The following KIF16B variants were observed in gnomAD, a reference collection of about 807,000 sequenced individuals.
KIF16B encodes the protein kinesin-like protein KIF16B.
KIF16B carries 98 observed loss-of-function variants against 156.3 expected under a neutral mutation model. The observed-to-expected ratio is 0.63, with a 90% CI of 0.53 to 0.74. The LOEUF (loss-of-function observed/expected upper bound fraction) is 0.74, where lower values mean the gene tolerates loss of function less well. Among genes scored for constraint, KIF16B ranks in the 30% least tolerant of loss-of-function variants. The pLI is 0.00. For missense variants in KIF16B, 1,421 were observed against 1,606.5 expected, an observed-to-expected ratio of 0.88 and a Z score of 1.97; for synonymous variants, 564 against 583.7, an observed-to-expected ratio of 0.97 and a Z score of 0.49.
intron 12 of KIF16B, among the ~76,000 whole-genome samples, chr20:16,437,653 T>C (rs1284666047): frequency 6.6e-6 from 1 of 152,178 alleles, no homozygotes; most frequent in Admixed American, 6.5e-5. Context: ...ATTGGAGAAC[T>C]GCAAGAAAAT....
rs530802450 is a variant in KIF16B at position 16,301,505 on chromosome 20, G to T, written c.3795+10830C>A. Among the ~76,000 whole-genome samples, 22 of 152,308 alleles carry T rather than the reference G, an allele frequency of 1.4e-4. No individual in the cohort carries two copies. The South Asian group carries it at 4.3e-3, about 30-fold the overall frequency. ...CTCACCAGCATTTGGTGCTGTTTATGTTCCAGCTTTTGGCCATTCTATCAG... is the reference window on the plus strand; with the variant it reads ...CTCACCAGCATTTGGTGCTGTTTATTTTCCAGCTTTTGGCCATTCTATCAG... On this transcript the variant is annotated intron_variant, in intron 25 of 25. Coordinates refer to ENST00000354981, the MANE Select transcript of KIF16B (RefSeq NM_024704.5).
chr20:16,355,736 G>A (rs2064427292), intron 23 of KIF16B, among the ~76,000 whole-genome samples: 1 of 152,152 alleles, frequency 6.6e-6, no homozygotes, highest in Non-Finnish European at 1.5e-5. Context: ...AAGGAAACAG[G>A]CACATCTCTT....
At chr20:16,444,303 C>T (rs2066876458) in intron 12 of KIF16B, among the ~76,000 whole-genome samples, 1 of 151,752 alleles carries the variant, frequency 6.6e-6, no homozygotes, top group South Asian at 2.1e-4. Context: ...GGCTGAAGGC[C>T]AAATAAGGCT....
At chr20:16,406,805 A>C (rs2065798316) in intron 15 of KIF16B, among the ~76,000 whole-genome samples, 1 of 152,224 alleles carries the variant, frequency 6.6e-6, no homozygotes, top group Non-Finnish European at 1.5e-5. Flanking sequence ...CCAAAGAGAT[A>C]TAATATCAAG....
chr20:16,513,370 C>T (rs1049549524), intron 4 of KIF16B, among the ~76,000 whole-genome samples: 2 of 152,050 alleles, frequency 1.3e-5, no homozygotes, highest in Non-Finnish European at 2.9e-5. Flanking sequence ...ACATTAAAAT[C>T]CATGCTGGCC....
intron 24 of KIF16B, among the ~76,000 whole-genome samples, chr20:16,325,401 C>G (rs559235872): frequency 1.2e-3 from 184 of 151,812 alleles, no homozygotes; most frequent in Non-Finnish European, 2.4e-3. Flanking sequence ...GCCTAGAAAA[C>G]CCTGAAGACT....
rs780677487 is a variant in KIF16B at position 16,378,892 on chromosome 20, G to A, written c.3110C>T (p.Ala1037Val). 1.2e-5 allele frequency: 20 copies of A among 1,614,000 alleles called. No individual in the cohort carries two copies. Among genetic ancestry groups the A allele is most frequent in the Non-Finnish European group, 1.6e-5 (19 of 1,179,940 alleles). ...MEIEEQRQKL[A>V]SLNSGSREQS... ...CTCTCTGCTGCCACTGTTCAGACTGGCAAGTTTCTGCCTCTGCTCTTCAAT... is the reference window on the plus strand; with the variant it reads ...CTCTCTGCTGCCACTGTTCAGACTGACAAGTTTCTGCCTCTGCTCTTCAAT... The change falls in exon 19 of 26, where the codon GCC (alanine) becomes GTC (valine). Residue 1037 changes from alanine (A) to valine (V), a missense_variant. Physicochemically the swap from Ala to Val is moderately conservative, Grantham distance 64 (BLOSUM62 0). Transcript: ENST00000354981.
Position 16,379,803 on chromosome 20 carries a change from G to A in KIF16B, c.2199C>T (p.Leu733=). The change falls in exon 19 of 26, where the codon CTC becomes CTT. Residue 733 remains leucine, a synonymous_variant. Coordinates refer to ENST00000354981, the MANE Select transcript of KIF16B (RefSeq NM_024704.5). ...KFQIFQELDQ[L]QKEKDEQYAK... is the part of the protein sequence containing the mutation. ...CATACTGTTCATCTTTTTCCTTTTG[G>A]AGCTGGTCCAGTTCTTGAAATATCT... 1 of 1,613,946 alleles carries A rather than the reference G, an allele frequency of 6.2e-7. No individual in the cohort carries two copies. Among genetic ancestry groups the A allele is most frequent in the Non-Finnish European group, 8.5e-7 (1 of 1,179,988 alleles).
chr20:16,341,564 T>C (rs893267686), intron 23 of KIF16B, among the ~76,000 whole-genome samples: 1 of 152,238 alleles, frequency 6.6e-6, no homozygotes, highest in Admixed American at 6.5e-5. Flanking sequence ...CCTTACTTGA[T>C]ATTTTAATAA....
chr20:16,287,153 G>A lies in KIF16B; in HGVS notation c.3796-13742C>T, dbSNP rs556836183. 3.0e-3 allele frequency among the ~76,000 whole-genome samples: 461 copies of A among 152,230 alleles called. 3 individuals carry two copies. Among genetic ancestry groups the A allele is most frequent in the Admixed American group, 9.3e-3 (142 of 15,300 alleles). Reference sequence around the variant, plus strand: ...CCAAAATATATGGGTTTGGGAATAAGGTAAAATATGAGGGAATAAATGAAA... The same window carrying A: ...CCAAAATATATGGGTTTGGGAATAAAGTAAAATATGAGGGAATAAATGAAA... On this transcript the variant is annotated intron_variant, in intron 25 of 25. Coordinates refer to ENST00000354981, the MANE Select transcript of KIF16B (RefSeq NM_024704.5).
chr20:16,367,820 G>C, intron 22 of KIF16B: 5 of 1,611,254 alleles, frequency 3.1e-6, no homozygotes, highest in Non-Finnish European at 4.2e-6. Context: ...AGGAGGTCAC[G>C]ACACAGCTGT....
intron 1 of KIF16B, among the ~76,000 whole-genome samples, chr20:16,541,783 C>T (rs999131288): frequency 2.0e-4 from 31 of 152,214 alleles, no homozygotes; most frequent in Admixed American, 1.3e-3. Flanking sequence ...AGCTGCAGCA[C>T]CGACCCATGG....
At chr20:16,295,949 A>G (rs545661127) in intron 25 of KIF16B, among the ~76,000 whole-genome samples, 4 of 152,306 alleles carry the variant, frequency 2.6e-5, no homozygotes, top group East Asian at 1.9e-4. Flanking sequence ...CACCAGTCAG[A>G]GCATCTTGAG....
At chr20:16,274,165 T>G (rs1185280650) in intron 25 of KIF16B, among the ~76,000 whole-genome samples, 1 of 152,048 alleles carries the variant, frequency 6.6e-6, no homozygotes, top group Non-Finnish European at 1.5e-5. Flanking sequence ...AGTCAGTATC[T>G]GTTTTGAATC....
chr20:16,438,673 C>A (rs1301807444), intron 12 of KIF16B, among the ~76,000 whole-genome samples: 3 of 152,094 alleles, frequency 2.0e-5, no homozygotes, highest in African/African-American at 4.8e-5. Flanking sequence ...CTGCCTCAAC[C>A]ACCATCCTGC....
Position 16,379,345 on chromosome 20 carries a change from G to A in KIF16B, c.2657C>T (p.Thr886Met), listed in dbSNP as rs972012083. ...EKHDESVTDV[T>M]EVPQDFEKIK... is the part of the protein sequence containing the mutation. Reference sequence around the variant, plus strand: ...TTTCTCGAAATCTTGAGGCACTTCCGTGACATCTGTGACACTCTCATCATG... The same window carrying A: ...TTTCTCGAAATCTTGAGGCACTTCCATGACATCTGTGACACTCTCATCATG... The change falls in exon 19 of 26, where the codon ACG becomes ATG. Residue 886 changes from threonine (T) to methionine (M), a missense_variant. Thr to Met is a moderately conservative substitution (Grantham distance 81, BLOSUM62 -1). Transcript: ENST00000354981. The A allele has an allele frequency of 1.0e-5, 16 of 1,603,556 alleles. No homozygotes were observed. The highest frequency in any genetic ancestry group is 1.7e-5 in the Admixed American group (1 of 58,560).
At chr20:16,382,075 A>G (rs761047790) in intron 17 of KIF16B, 3 of 1,325,146 alleles carry the variant, frequency 2.3e-6, no homozygotes, top group Non-Finnish European at 3.0e-6. Flanking sequence ...ACTGATGAGT[A>G]TATAAAAATG....
At chr20:16,338,176 C>T (rs186271044) in intron 23 of KIF16B, among the ~76,000 whole-genome samples, 1 of 152,278 alleles carries the variant, frequency 6.6e-6, no homozygotes. Context: ...ACCCGGCTCT[C>T]CCGTGAGGAA....
intron 6 of KIF16B, 29 bp downstream of exon 6, chr20:16,511,389 G>C (rs1179126802): frequency 8.4e-7 from 1 of 1,195,248 alleles, no homozygotes; most frequent in Non-Finnish European, 1.2e-6. Flanking sequence ...ATCACAAAAA[G>C]AATATGGCTG....
Sources: gnomAD v4.1 joint callset for allele counts (sites outside exome capture counted in the v4.1 genomes callset) on GRCh38, gnomAD v4.1.1 for gene constraint, MANE v1.5 for transcripts, NCBI Gene and HGNC (gene_info 2026-07-23, HGNC 2026-07-21) for gene names.